The following TIFA variants were observed in gnomAD, a reference collection of about 807,000 sequenced individuals.
The protein encoded by TIFA is TRAF interacting protein with forkhead associated domain.
For missense variants in TIFA, 186 were observed against 215.2 expected, an observed-to-expected ratio of 0.86 and a Z score of 0.85; for synonymous variants, 75 against 79.2, an observed-to-expected ratio of 0.95 and a Z score of 0.28.
Position 112,278,276 on chromosome 4 carries a change from C to T in TIFA, c.141G>A (p.Val47=), listed in dbSNP as rs745727348. The T allele has an allele frequency of 1.2e-5, 19 of 1,613,972 alleles. No individual in the cohort carries two copies. The Middle Eastern group carries it at 6.6e-4, about 56-fold the overall frequency. The change falls in exon 2 of 2, where the codon GTG becomes GTA. Residue 47 remains valine (V), a synonymous_variant. Coordinates refer to ENST00000361717, the MANE Select transcript of TIFA (RefSeq NM_052864.3). The stretch of plus-strand genomic sequence containing the variant: ...AGATGTTGGAATTTCGGCCAAATTT[C>T]ACCACTTCGCTGGAAGGGAGTTTCT... The part of the protein sequence containing the change: ...NREKLPSSEV[V]KFGRNSNICH...
At chr4:112,283,344 G>A (rs566682927) in intron 1 of TIFA, among the ~76,000 whole-genome samples, 2 of 152,308 alleles carry the variant, frequency 1.3e-5, no homozygotes, top group East Asian at 3.9e-4. Flanking sequence ...ACCAGGTTAC[G>A]GTGAATATCA....
At position 112,277,905 on chromosome 4, in the gene TIFA, G is replaced by A. The variant is rs1356602224; in HGVS notation, c.512C>T (p.Ser171Phe). The A allele has an allele frequency of 3.7e-6, 6 of 1,609,602 alleles. No individual in the cohort carries two copies. Among genetic ancestry groups the A allele is most frequent in the African/African-American group, 1.3e-5 (1 of 74,560 alleles). The part of the protein sequence containing the change: ...PEYGTYSLCS[S>F]QSSSPTEMDE... ...CATTTCTGTCGGAGAACTGCTTTGG[G>A]AGGAGCAGAGCGAATAAGTGCCATA... The change falls in exon 2 of 2, where the codon TCC (serine) becomes TTC (phenylalanine). Residue 171 changes from serine to phenylalanine, a missense_variant. Physicochemically the swap from Ser to Phe is radical, Grantham distance 155. Transcript: ENST00000361717.
chr4:112,281,426 TAGAG>T (rs1277951355), intron 1 of TIFA, among the ~76,000 whole-genome samples: 1 of 152,146 alleles, frequency 6.6e-6, no homozygotes, highest in African/African-American at 2.4e-5. Flanking sequence ...TATCCACTGT[TAGAG>T]AGAAAAAATG....
Position 112,283,874 on chromosome 4 carries a change from T to G in TIFA, c.-19+1766A>C, listed in dbSNP as rs1393607138. Among the ~76,000 whole-genome samples the G allele has an allele frequency of 2.0e-5, 3 of 152,296 alleles. No individual in the cohort carries two copies. In the East Asian group the frequency reaches 5.8e-4, roughly 29 times the overall value. On this transcript the variant is annotated intron_variant, in intron 1 of 1. Transcript: ENST00000361717. Reference sequence around the variant, plus strand: ...TATTTTCCTTACAAAATCACCAACCTCTGATTTTTATGGAATTGACAGTGG... The same window carrying G: ...TATTTTCCTTACAAAATCACCAACCGCTGATTTTTATGGAATTGACAGTGG...
In TIFA at chr4:112,277,687, G is replaced by GGTCGC; in HGVS notation, c.*174_*175insGCGAC. 1 of 441,774 alleles carries GGTCGC rather than the reference G, an allele frequency of 2.3e-6. No homozygotes were observed. The highest frequency in any genetic ancestry group is 3.6e-6 in the Non-Finnish European group (1 of 275,058). 27.4% of individuals were successfully genotyped at this position (441,774 alleles called of 1,614,324 possible). ...TGTGTAGATCCAGAATACAACAGGT[G>GGTCGC]ACTAAGTTAATGACTAACACAATTT... On this transcript the variant is annotated 3_prime_UTR_variant, in exon 2 of 2. Coordinates refer to ENST00000361717, the MANE Select transcript of TIFA (RefSeq NM_052864.3).
In TIFA at chr4:112,278,203, G is replaced by C. The variant is rs1200937820; in HGVS notation, c.214C>G (p.Leu72Val). 1 of 1,613,232 alleles carries C rather than the reference G, an allele frequency of 6.2e-7. No homozygotes were observed. The part of the protein sequence containing the change: ...DKQVSRVQFS[L>V]QLFKKFNSSV... ...CTGTTGAATTTTTTAAACAGCTGCA[G>C]AGAAAACTGAACTCGGGAAACCTGT... Residue 72 changes from leucine (L) to valine (V), a missense_variant, in exon 2 of 2, where the codon CTG (leucine) becomes GTG (valine). Physicochemically the swap from Leu to Val is conservative, Grantham distance 32. Transcript: ENST00000361717.
chr4:112,277,658 A>G lies in TIFA; in HGVS notation c.*204T>C, dbSNP rs1417753311. 2.5e-6 allele frequency: 1 copy of G among 392,744 alleles called. No individual in the cohort carries two copies. The allele number at this position is 392,744 out of a possible 1,614,324, so 24.3% of individuals were successfully genotyped here. On this transcript the variant is annotated 3_prime_UTR_variant, in exon 2 of 2. Transcript: ENST00000361717. ...CAGATTAATAAGAGCAGTTAAAATA[A>G]TTTTGTGTAGATCCAGAATACAACA...
intron 1 of TIFA, among the ~76,000 whole-genome samples, chr4:112,280,223 T>C (rs1727201716): frequency 6.6e-6 from 1 of 152,306 alleles, no homozygotes; most frequent in African/African-American, 2.4e-5. Flanking sequence ...ATTTGTAGTT[T>C]TATTGTTTTT....
chr4:112,282,159 T>C (rs935898842), intron 1 of TIFA, among the ~76,000 whole-genome samples: 2 of 152,320 alleles, frequency 1.3e-5, no homozygotes, highest in African/African-American at 4.8e-5. Flanking sequence ...GCACAGGCTC[T>C]CTCTTTGCCT....
Position 112,277,671 on chromosome 4 carries a change from C to CTCGTTTGTAG in TIFA, c.*190_*191insCTACAAACGA. ...GCAGTTAAAATAATTTTGTGTAGAT[C>CTCGTTTGTAG]CAGAATACAACAGGTGACTAAGTTA... On this transcript the variant is annotated 3_prime_UTR_variant, in exon 2 of 2. Coordinates refer to ENST00000361717, the MANE Select transcript of TIFA (RefSeq NM_052864.3). 1 of 409,582 alleles carries CTCGTTTGTAG rather than the reference C, an allele frequency of 2.4e-6. No individual in the cohort carries two copies. Among genetic ancestry groups the CTCGTTTGTAG allele is most frequent in the Non-Finnish European group, 4.2e-6 (1 of 240,738 alleles). The allele number at this position is 409,582 out of a possible 1,614,324, so 25.4% of individuals were successfully genotyped here.
At chr4:112,280,331 T>C (rs1044113531) in intron 1 of TIFA, among the ~76,000 whole-genome samples, 1 of 149,340 alleles carries the variant, frequency 6.7e-6, no homozygotes, top group Non-Finnish European at 1.5e-5. Flanking sequence ...CTTTCTATCT[T>C]GCTGGCATTT....
At chr4:112,284,111 C>T (rs1404155497) in intron 1 of TIFA, among the ~76,000 whole-genome samples, 1 of 152,202 alleles carries the variant, frequency 6.6e-6, no homozygotes, top group Non-Finnish European at 1.5e-5. Context: ...GAGTGTCCAG[C>T]TCTTCTGTGC....
At position 112,275,833 on chromosome 4, in the gene TIFA, G is replaced by A. The variant is rs1158516894; in HGVS notation, c.*2029C>T. 2 of 152,030 alleles carry A rather than the reference G, an allele frequency of 1.3e-5. No homozygotes were observed. Among genetic ancestry groups the A allele is most frequent in the Non-Finnish European group, 2.9e-5 (2 of 67,998 alleles). 9.4% of individuals were successfully genotyped at this position (152,030 alleles called of 1,614,324 possible). On this transcript the variant is annotated 3_prime_UTR_variant, in exon 2 of 2. Coordinates refer to ENST00000361717, the MANE Select transcript of TIFA (RefSeq NM_052864.3). ...ATCAGCCTCAAAGACAAGAAACAGA[G>A]GTGAAAGTCTTCCAAAATAGTCAAA...
chr4:112,277,691 A>AGC lies in TIFA; in HGVS notation c.*170_*171insGC. Reference sequence around the variant, plus strand: ...TAGATCCAGAATACAACAGGTGACTAAGTTAATGACTAACACAATTTACAG... The same window carrying AGC: ...TAGATCCAGAATACAACAGGTGACTAGCAGTTAATGACTAACACAATTTACAG... On this transcript the variant is annotated 3_prime_UTR_variant, in exon 2 of 2. Coordinates refer to ENST00000361717, the MANE Select transcript of TIFA (RefSeq NM_052864.3). 7 of 481,898 alleles carry AGC rather than the reference A, an allele frequency of 1.5e-5. No homozygotes were observed. The highest frequency in any genetic ancestry group is 5.6e-5 in the South Asian group (1 of 17,990). 29.9% of individuals were successfully genotyped at this position (481,898 alleles called of 1,614,324 possible).
At chr4:112,280,332 G>T (rs2110506291) in intron 1 of TIFA, among the ~76,000 whole-genome samples, 1 of 141,238 alleles carries the variant, frequency 7.1e-6, no homozygotes, top group East Asian at 2.0e-4. Context: ...TTTCTATCTT[G>T]CTGGCATTTC....
chr4:112,277,977 G>C lies in TIFA; in HGVS notation c.440C>G (p.Ser147Ter), dbSNP rs777403705. The change falls in exon 2 of 2, where the codon TCA (serine) becomes TGA (stop). Residue 147 changes from serine (S) to a stop codon, truncating the protein, a stop_gained. Coordinates refer to ENST00000361717, the MANE Select transcript of TIFA (RefSeq NM_052864.3). LOFTEE classifies it low-confidence loss of function (END_TRUNC). ...TGGCCAGTTGTTTTCTTGCAAGAGT[G>C]ATCTTGGAGATAAAATAAATTGAGT... ...FETQFILSPRSLLQENNWPPH... is the reference protein window; with the variant it reads ...FETQFILSPR The C allele has an allele frequency of 1.2e-6, 2 of 1,613,872 alleles. No homozygotes were observed. Among genetic ancestry groups the C allele is most frequent in the African/African-American group, 1.3e-5 (1 of 74,904 alleles).
At chr4:112,279,880 T>C (rs1281323054) in intron 1 of TIFA, among the ~76,000 whole-genome samples, 4 of 152,154 alleles carry the variant, frequency 2.6e-5, no homozygotes, top group African/African-American at 4.8e-5. Context: ...TTAGCCAAGC[T>C]GCTCTCAAAA....
chr4:112,280,343 C>CTTTTT (rs34544244), intron 1 of TIFA, among the ~76,000 whole-genome samples: 2 of 76,752 alleles, frequency 2.6e-5, no homozygotes, highest in Admixed American at 1.9e-4. Flanking sequence ...CTGGCATTTC[C>CTTTTT]TTTTTTTTTT....
rs1384154221 is a variant in TIFA at position 112,275,638 on chromosome 4, T to A, written c.*2224A>T. The A allele has an allele frequency of 3.3e-5, 5 of 152,176 alleles. No individual in the cohort carries two copies. Among genetic ancestry groups the A allele is most frequent in the East Asian group, 3.8e-4 (2 of 5,204 alleles). 9.4% of individuals were successfully genotyped at this position (152,176 alleles called of 1,614,324 possible). On this transcript the variant is annotated 3_prime_UTR_variant, in exon 2 of 2. Transcript: ENST00000361717. ...GAAGAAAAGAAAATAGAATAAAAAA[T>A]TTAATATTTCTCAAGTTGAACAAAA...
Sources: allele counts gnomAD v4.1 joint callset (sites outside exome capture counted in the v4.1 genomes callset), GRCh38; gene constraint gnomAD v4.1.1; transcripts MANE v1.5; gene names NCBI Gene and HGNC (gene_info 2026-07-23, HGNC 2026-07-21).